The following HSPBP1 variants were observed in gnomAD, a reference collection of about 807,000 sequenced individuals.
HSPBP1 encodes HSPA (Hsp70) binding protein 1, also known as hsp70-binding protein 1.
Under a neutral mutation model 41.7 loss-of-function variants are expected in HSPBP1, and 31 were observed. The ratio of observed to expected loss-of-function variants is 0.74; its 90% CI spans 0.56 to 1.00. The LOEUF (loss-of-function observed/expected upper bound fraction) is 1.00. Ranked by LOEUF, HSPBP1 falls within the 50% of genes least tolerant of loss-of-function variation. The pLI is 0.00. For synonymous variants in HSPBP1, 199 were observed against 214.4 expected, an observed-to-expected ratio of 0.93 and a Z score of 0.63; for missense variants, 439 against 487.9, an observed-to-expected ratio of 0.90 and a Z score of 0.94.
chr19:55,263,609 G>A (rs2087700791), intron 7 of HSPBP1, among the ~76,000 whole-genome samples: 1 of 152,124 alleles, frequency 6.6e-6, no homozygotes, highest in Non-Finnish European at 1.5e-5. Flanking sequence ...GAGCCCATCC[G>A]CACTGTACAG....
At chr19:55,279,859 G>T in intron 1 of HSPBP1, 157 bp from the exon 2 acceptor site, 1 of 773,466 alleles carries the variant, frequency 1.3e-6, no homozygotes, top group Non-Finnish European at 2.1e-6. Context: ...CTAGCAACAG[G>T]CCCCACCCAC....
chr19:55,279,558 C>T lies in HSPBP1; in HGVS notation c.51G>A (p.Pro17=), dbSNP rs546896497. The T allele has an allele frequency of 6.2e-7, 1 of 1,608,244 alleles. No individual in the cohort carries two copies. Among genetic ancestry groups the T allele is most frequent in the South Asian group, 1.1e-5 (1 of 90,848 alleles). ...RGSRLPLALP[P]ASQGCSSGGG... Reference sequence around the variant, plus strand: ...CCCCTGAAGAGCAACCCTGGGAGGCCGGGGGCAGCGCCAGGGGCAGGCGGC... The same window carrying T: ...CCCCTGAAGAGCAACCCTGGGAGGCTGGGGGCAGCGCCAGGGGCAGGCGGC... The change falls in exon 2 of 8, where the codon CCG becomes CCA. Residue 17 remains proline, a synonymous_variant. Coordinates refer to ENST00000433386, the MANE Select transcript of HSPBP1 (RefSeq NM_012267.5).
At chr19:55,276,494 G>C (rs1294485063) in intron 3 of HSPBP1, among the ~76,000 whole-genome samples, 1 of 152,100 alleles carries the variant, frequency 6.6e-6, no homozygotes, top group Non-Finnish European at 1.5e-5. Flanking sequence ...TATACACAGA[G>C]AGCGCACGAG....
At position 55,271,620 on chromosome 19, in the gene HSPBP1, T is replaced by G. The variant is rs531334752; in HGVS notation, c.640+2778A>C. ...AACCCTCCCTGTTCTCCTCCCAGCC[T>G]CTGCATGGCTGGGGCCACCATCTGC... is the stretch of plus-strand genomic sequence containing the variant. On this transcript the variant is annotated intron_variant, in intron 4 of 7. Coordinates refer to ENST00000433386, the MANE Select transcript of HSPBP1 (RefSeq NM_012267.5). 5.6e-4 allele frequency among the ~76,000 whole-genome samples: 86 copies of G among 152,306 alleles called. No individual in the cohort carries two copies. In the South Asian group the frequency reaches 5.8e-3, roughly 10 times the overall value.
intron 7 of HSPBP1, 22 bp from the exon 8 acceptor site, chr19:55,262,704 A>G (rs1320043905): frequency 2.5e-6 from 4 of 1,607,642 alleles, no homozygotes; most frequent in Non-Finnish European, 8.5e-7. Context: ...AGGGGCAGGG[A>G]GCAAGGGGCC....
At chr19:55,267,776 C>T (rs2087826861) in intron 4 of HSPBP1, among the ~76,000 whole-genome samples, 1 of 152,184 alleles carries the variant, frequency 6.6e-6, no homozygotes, top group Non-Finnish European at 1.5e-5. Flanking sequence ...TCTTTTAATC[C>T]TCACAATTAT....
intron 4 of HSPBP1, among the ~76,000 whole-genome samples, chr19:55,269,663 A>C (rs1046625715): frequency 6.6e-6 from 1 of 152,224 alleles, no homozygotes; most frequent in Non-Finnish European, 1.5e-5. Context: ...AGCATATGAC[A>C]TTCTGGAAAA....
At chr19:55,266,051 G>A (rs1231186268) in intron 5 of HSPBP1, 69 bp from the exon 6 acceptor site, 1 of 1,560,606 alleles carries the variant, frequency 6.4e-7, no homozygotes, top group Admixed American at 1.9e-5. Context: ...CGGGATGCCT[G>A]TTCCTCCCCT....
At position 55,279,382 on chromosome 19, in the gene HSPBP1, G is replaced by A; in HGVS notation, c.210+17C>T. On this transcript the variant is annotated intron_variant, in intron 2 of 7. Transcript: ENST00000433386. ...CCCAGGCCCCTCACCCCAGCTTCTT[G>A]GGTCCCCATCCTTTACCTCCTCACT... 1 of 1,576,186 alleles carries A rather than the reference G, an allele frequency of 6.3e-7. No individual in the cohort carries two copies. The highest frequency in any genetic ancestry group is 8.6e-7 in the Non-Finnish European group (1 of 1,168,352).
Position 55,277,797 on chromosome 19 carries a change from C to T in HSPBP1, c.260G>A (p.Arg87Gln), listed in dbSNP as rs775274161. 3.8e-6 allele frequency: 6 copies of T among 1,597,064 alleles called. No homozygotes were observed. The highest frequency in any genetic ancestry group is 2.3e-5 in the East Asian group (1 of 44,304). ...EAMSAAFRGQ[R>Q]EEVEQMKSCL... ...GCTCTTCATCTGCTCCACCTCCTCC[C>T]GCTGGCCTCGGAAGGCAGCCGACAT... Residue 87 changes from arginine (R) to glutamine (Q), a missense_variant, in exon 3 of 8, where the codon CGG becomes CAG. Transcript: ENST00000433386.
intron 5 of HSPBP1, 32 bp downstream of exon 5, chr19:55,266,099 C>G: frequency 6.3e-7 from 1 of 1,592,376 alleles, no homozygotes; most frequent in Non-Finnish European, 8.6e-7. Context: ...CGTCTGCTCC[C>G]CACTCCTGCC....
rs1157452362 is a variant in HSPBP1 at position 55,262,579 on chromosome 19, C to T, written c.*29G>A. 12 of 1,611,614 alleles carry T rather than the reference C, an allele frequency of 7.4e-6. No individual in the cohort carries two copies. Among genetic ancestry groups the T allele is most frequent in the Admixed American group, 3.3e-5 (2 of 59,778 alleles). On this transcript the variant is annotated 3_prime_UTR_variant, in exon 8 of 8. Coordinates refer to ENST00000433386, the MANE Select transcript of HSPBP1 (RefSeq NM_012267.5). ...GGAGGCAAGAGGCCTGGGGTTCCCA[C>T]GGAGAAGGGGGCAAGAAGCCACCTG...
At chr19:55,265,197 CA>C in intron 7 of HSPBP1, 80 bp downstream of exon 7, 1 of 932,680 alleles carries the variant, frequency 1.1e-6, no homozygotes, top group Admixed American at 2.0e-5. Context: ...ATCCCCTCCC[CA>C]CACACCTAGT....
At chr19:55,279,858 G>A (rs1045451034) in intron 1 of HSPBP1, 156 bp from the exon 2 acceptor site, 7 of 775,776 alleles carry the variant, frequency 9.0e-6, no homozygotes, top group Non-Finnish European at 1.4e-5. Context: ...CCTAGCAACA[G>A]GCCCCACCCA....
At chr19:55,263,899 T>C (rs1038826260) in intron 7 of HSPBP1, among the ~76,000 whole-genome samples, 2 of 152,058 alleles carry the variant, frequency 1.3e-5, no homozygotes, top group Non-Finnish European at 2.9e-5. Flanking sequence ...ATTAGTAAAA[T>C]CTGTTACAAA....
In HSPBP1 at chr19:55,270,758, C is replaced by G. The variant is rs1458998477; in HGVS notation, c.640+3640G>C. 6.6e-6 allele frequency among the ~76,000 whole-genome samples: 1 copy of G among 151,384 alleles called. No individual in the cohort carries two copies. On this transcript the variant is annotated intron_variant, in intron 4 of 7. Coordinates refer to ENST00000433386, the MANE Select transcript of HSPBP1 (RefSeq NM_012267.5). This position sits in a 1 kb window ranked among gnomAD's most constrained non-coding sequence, Gnocchi z 5.4. ...ACACCACATCCACACATCCCACACA[C>G]GCCATGCACATCCACACACCACACA...
rs200714645 is a variant in HSPBP1, at chr19:55,265,358, C to T, written c.925G>A (p.Glu309Lys). 1.7e-5 allele frequency: 28 copies of T among 1,613,422 alleles called. No individual in the cohort carries two copies. Among genetic ancestry groups the T allele is most frequent in the East Asian group, 6.7e-5 (3 of 44,846 alleles). ...AGGCCCAGTTCCGGCTCCCGACACT[C>T]GCGCACACCCTGCGGAAAGTCTGTC... Reference protein sequence around the residue: ...LVTDFPQGVRECREPELGLEE... With the variant: ...LVTDFPQGVRKCREPELGLEE... The change falls in exon 7 of 8, where the codon GAG (glutamate) becomes AAG (lysine). Residue 309 changes from glutamate to lysine, a missense_variant. By Grantham distance (56) the Glu-to-Lys change is moderately conservative (BLOSUM62 1). Coordinates refer to ENST00000433386, the MANE Select transcript of HSPBP1 (RefSeq NM_012267.5).
At position 55,274,631 on chromosome 19, in the gene HSPBP1, C is replaced by T; in HGVS notation, c.416-9G>A. 2 of 1,596,502 alleles carry T rather than the reference C, an allele frequency of 1.3e-6. No individual in the cohort carries two copies. Among genetic ancestry groups the T allele is most frequent in the Non-Finnish European group, 1.7e-6 (2 of 1,174,356 alleles). On this transcript the variant is annotated splice_polypyrimidine_tract_variant and intron_variant, in intron 3 of 7. Transcript: ENST00000433386. ...AGACAGCTGGCAGAAGTCTGTGCCA[C>T]AGAGGGGAGCAGAGAGAGGCCAGAT...
chr19:55,271,976 C>T (rs953777138), intron 4 of HSPBP1, among the ~76,000 whole-genome samples: 5 of 152,090 alleles, frequency 3.3e-5, no homozygotes, highest in Admixed American at 2.0e-4. Flanking sequence ...GCAGGGGAAT[C>T]CCTTGAACCT....
Sources: gnomAD v4.1 joint callset for allele counts (sites outside exome capture counted in the v4.1 genomes callset) on GRCh38, gnomAD v4.1.1 for gene constraint, Gnocchi (gnomAD v3.1) non-coding constraint, MANE v1.5 for transcripts, NCBI Gene and HGNC (gene_info 2026-07-23, HGNC 2026-07-21) for gene names.